Variants in LRRC9 observed in about 807,000 individuals in gnomAD.
LRRC9 encodes leucine rich repeat containing 9.
In LRRC9, 122 loss-of-function variants were observed where a neutral mutation model predicts 63.2. The ratio of observed to expected loss-of-function variants is 1.93; its 90% CI spans 1.67 to 2.24. The LOEUF (loss-of-function observed/expected upper bound fraction) is 2.24. Ranked by LOEUF, LRRC9 falls within the 30% of genes most tolerant of loss-of-function variation. The probability of loss-of-function intolerance (pLI) is 0.00; values close to 1 mark genes in which losing one functional copy is unlikely to be tolerated. For synonymous variants in LRRC9, 366 were observed against 213.1 expected, an observed-to-expected ratio of 1.72 and a Z score of -6.25; for missense variants, 1,071 against 627.7, an observed-to-expected ratio of 1.71 and a Z score of -7.55.
intron 8 of LRRC9, among the ~76,000 whole-genome samples, chr14:59,945,277 ACCCT>A (rs1882241062): frequency 6.6e-6 from 1 of 151,988 alleles, no homozygotes; most frequent in African/African-American, 2.4e-5. Flanking sequence ...CTAAAAGTAG[ACCCT>A]GAAAAAGTAA....
In LRRC9 at chr14:60,027,892, A is replaced by T; in HGVS notation, c.3712A>T (p.Ile1238Phe). The change falls in exon 28 of 32, where the codon ATC becomes TTC. Residue 1238 changes from isoleucine (I) to phenylalanine (F), a missense_variant. Coordinates refer to ENST00000445360, the Ensembl canonical transcript of LRRC9. This position sits in a 1 kb window ranked among gnomAD's most constrained non-coding sequence, Gnocchi z 4.0. ...GACTTATCTCTTTTTAGGTAATGAA[A>T]TCAGCCAAGTTGAAGGGCTTGACAA... 1 of 698,826 alleles carries T rather than the reference A, an allele frequency of 1.4e-6. No homozygotes were observed. The highest frequency in any genetic ancestry group is 2.6e-6 in the Non-Finnish European group (1 of 383,114). 43.3% of individuals were successfully genotyped at this position (698,826 alleles called of 1,614,324 possible). A position where few individuals can be genotyped will look rare whatever the true frequency, so the allele number is the denominator to read the frequency against.
chr14:60,046,709 T>A (rs1007581938), intron 29 of LRRC9, among the ~76,000 whole-genome samples: 12 of 152,250 alleles, frequency 7.9e-5, no homozygotes, highest in Non-Finnish European at 1.5e-5. Context: ...AGTAGCATGA[T>A]GCCTTCAGCT....
intron 16 of LRRC9, among the ~76,000 whole-genome samples, chr14:59,983,535 T>C (rs1236827457): frequency 6.6e-6 from 1 of 152,212 alleles, no homozygotes; most frequent in East Asian, 1.9e-4. Context: ...GAGTGGATTT[T>C]GAAGGACATG....
intron 8 of LRRC9, among the ~76,000 whole-genome samples, chr14:59,957,829 A>G (rs547138610): frequency 4.6e-5 from 7 of 151,938 alleles, no homozygotes; most frequent in African/African-American, 1.7e-4. Context: ...GGGGTCCTTT[A>G]TGTTCATCTT....
In LRRC9 at chr14:59,946,613, G is replaced by A. The variant is rs200588653; in HGVS notation, c.882+1869G>A. On this transcript the variant is annotated intron_variant, in intron 8 of 31. Coordinates refer to ENST00000445360, the Ensembl canonical transcript of LRRC9. The stretch of plus-strand genomic sequence containing the variant: ...GCTGGTGCGCTGCACCCACTAACTC[G>A]TCATCTAGCATTAGGTATATCTCCC... 4.1e-4 allele frequency among the ~76,000 whole-genome samples: 59 copies of A among 143,110 alleles called. 2 individuals are homozygous for A. Among genetic ancestry groups the A allele is most frequent in the East Asian group, 3.3e-3 (16 of 4,834 alleles). The allele number at this position is 143,110 out of a possible 152,430, so 93.9% of individuals were successfully genotyped here.
intron 19 of LRRC9, among the ~76,000 whole-genome samples, chr14:60,000,985 C>T (rs1889307116): frequency 6.6e-6 from 1 of 152,098 alleles, no homozygotes; most frequent in Admixed American, 6.6e-5. Flanking sequence ...GGAAAAGATA[C>T]TCCACCATAT....
chr14:59,958,219 T>C lies in LRRC9; in HGVS notation c.883-1599T>C, dbSNP rs1167010169. Among the ~76,000 whole-genome samples the C allele has an allele frequency of 6.6e-6, 1 of 152,190 alleles. No homozygotes were observed. Among genetic ancestry groups the C allele is most frequent in the African/African-American group, 2.4e-5 (1 of 41,440 alleles). ...CTTCAGAGCTGGCAGGCAGGAACGA[T>C]TAAATCTGCTGCAGCTGTGCCCACA... On this transcript the variant is annotated intron_variant, in intron 8 of 31. Transcript: ENST00000445360. The surrounding 1 kb of genome is among the most constrained non-coding windows in gnomAD (Gnocchi z 4.0).
rs1233353961 is a variant in LRRC9, at chr14:59,932,027, A to G, written c.531A>G (p.Ile177Met). 2.9e-6 allele frequency: 2 copies of G among 699,854 alleles called. No homozygotes were observed. The highest frequency in any genetic ancestry group is 5.2e-6 in the Non-Finnish European group (2 of 383,368). 43.4% of individuals were successfully genotyped at this position (699,854 alleles called of 1,614,324 possible). ...GATTAAACCTTTCTGGTAACCAAAT[A>G]TGTTCTTTCAAGGTATGTTTAAGTG... The change falls in exon 6 of 32, where the codon ATA becomes ATG. Residue 177 changes from isoleucine to methionine, a missense_variant. Transcript: ENST00000445360. This position sits in a 1 kb window ranked among gnomAD's most constrained non-coding sequence, Gnocchi z 4.7.
intron 18 of LRRC9, 124 bp from the exon 19 acceptor site, chr14:59,998,977 A>G: frequency 2.2e-6 from 1 of 452,118 alleles, no homozygotes; most frequent in Non-Finnish European, 3.9e-6. Flanking sequence ...AGCTTTTTTT[A>G]GGTATATGTA....
At chr14:59,991,972 C>T (rs1373377150) in intron 17 of LRRC9, among the ~76,000 whole-genome samples, 1 of 152,160 alleles carries the variant, frequency 6.6e-6, no homozygotes, top group African/African-American at 2.4e-5. Context: ...TAGTGGTTCT[C>T]CCAGCACGCA....
At chr14:60,023,057 A>C (rs1891237591) in intron 27 of LRRC9, among the ~76,000 whole-genome samples, 187 bp downstream of exon 27, 1 of 152,008 alleles carries the variant, frequency 6.6e-6, no homozygotes, top group Admixed American at 6.6e-5. Flanking sequence ...TTAAAGGTCA[A>C]TGCAGTATTC....
At chr14:60,023,444 G>C (rs184317283) in intron 27 of LRRC9, among the ~76,000 whole-genome samples, 1 of 151,950 alleles carries the variant, frequency 6.6e-6, no homozygotes, top group Non-Finnish European at 1.5e-5. Context: ...GCAAGCAGGG[G>C]GAGGAGGAAA....
chr14:60,016,560 C>A (rs1304818712), intron 23 of LRRC9, 100 bp from the exon 24 acceptor site: 4 of 573,794 alleles, frequency 7.0e-6, no homozygotes, highest in Non-Finnish European at 1.3e-5. Flanking sequence ...TAGGAGGAAT[C>A]TGGAAAAATG....
In LRRC9 at chr14:59,975,127, G is replaced by GTATATATATA. The variant is rs1286444884; in HGVS notation, c.1639+422_1639+431dup. Among the ~76,000 whole-genome samples, 24 of 9,162 alleles carry GTATATATATA rather than the reference G, an allele frequency of 2.6e-3. 1 individual carries two copies. The highest frequency in any genetic ancestry group is 5.0e-3 in the African/African-American group (24 of 4,760). 6.0% of individuals were successfully genotyped at this position (9,162 alleles called of 152,430 possible). ...CATATATATATGTATATATATATAT[G>GTATATATATA]TATATATATATACATATATATATGT... On this transcript the variant is annotated intron_variant, in intron 13 of 31. Transcript: ENST00000445360.
chr14:60,066,303 T>C (rs939176420), downstream of LRRC9, among the ~76,000 whole-genome samples: 5 of 152,096 alleles, frequency 3.3e-5, no homozygotes, highest in East Asian at 3.8e-4. Flanking sequence ...TCATAAGCTA[T>C]CTTACATTAT....
chr14:60,008,034 C>CATCTGGTCAAT, intron 22 of LRRC9, 58 bp from the exon 23 acceptor site: 1 of 519,276 alleles, frequency 1.9e-6, no homozygotes, highest in African/African-American at 2.0e-5. Context: ...GATGGCTAAC[C>CATCTGGTCAAT]TCTTACTAGA....
chr14:59,946,284 AC>A (rs1160281414), intron 8 of LRRC9, among the ~76,000 whole-genome samples: 6 of 150,726 alleles, frequency 4.0e-5, no homozygotes, highest in Non-Finnish European at 7.4e-5. Flanking sequence ...TTAAAGTAAA[AC>A]ATTAATAAAA....
At position 59,933,305 on chromosome 14, in the gene LRRC9, G is replaced by A. The variant is rs189025042; in HGVS notation, c.543+1266G>A. On this transcript the variant is annotated intron_variant, in intron 6 of 31. Transcript: ENST00000445360. ...TAGAATACCAGCTCTCTGAGTACAG[G>A]AACTTTGCCTGTTCTCTTCATTGCT... 3.9e-4 allele frequency among the ~76,000 whole-genome samples: 60 copies of A among 152,206 alleles called. 1 individual carries two copies. The highest frequency in any genetic ancestry group is 1.3e-3 in the African/African-American group (54 of 41,532).
intron 15 of LRRC9, among the ~76,000 whole-genome samples, chr14:59,981,295 G>C (rs972750622): frequency 6.6e-6 from 1 of 151,828 alleles, no homozygotes; most frequent in African/African-American, 2.4e-5. Context: ...TTTATCATAG[G>C]TACTTTATTG....
Sources: allele counts gnomAD v4.1 joint callset (sites outside exome capture counted in the v4.1 genomes callset), GRCh38; gene constraint gnomAD v4.1.1; non-coding constraint Gnocchi (gnomAD v3.1); transcripts MANE v1.5; gene names NCBI Gene and HGNC (gene_info 2026-07-23, HGNC 2026-07-21).